GLI3: variants seen among roughly 807,000 people sequenced by gnomAD.
The protein encoded by GLI3 is GLI family zinc finger 3.
In GLI3, 20 loss-of-function variants were observed where a neutral mutation model predicts 100.8. That is an observed-to-expected ratio of 0.20 (90% CI 0.14 to 0.29). GLI3 has a LOEUF of 0.29. Among genes scored for constraint, GLI3 ranks in the 10% least tolerant of loss-of-function variants. GLI3 has a pLI of 1.00. For synonymous variants in GLI3, 938 were observed against 860.5 expected, an observed-to-expected ratio of 1.09 and a Z score of -1.58; for missense variants, 2,040 against 2,128.5, an observed-to-expected ratio of 0.96 and a Z score of 0.82.
At chr7:42,122,859 G>C (rs920470189) in intron 3 of GLI3, among the ~76,000 whole-genome samples, 1 of 152,168 alleles carries the variant, frequency 6.6e-6, no homozygotes, top group South Asian at 2.1e-4. Context: ...CCTGAACAGG[G>C]TGAAAAGTTA....
chr7:42,190,050 A>G (rs1283561625), intron 2 of GLI3, among the ~76,000 whole-genome samples: 1 of 151,822 alleles, frequency 6.6e-6, no homozygotes, highest in African/African-American at 2.4e-5. Context: ...CATAGGGAAA[A>G]TGTTTAAAGG....
chr7:42,110,159 G>C (rs184274204), intron 3 of GLI3, among the ~76,000 whole-genome samples: 3 of 152,262 alleles, frequency 2.0e-5, no homozygotes, highest in Admixed American at 2.0e-4. Flanking sequence ...CAAAAAGACA[G>C]AGGAACCAAC....
intron 3 of GLI3, among the ~76,000 whole-genome samples, chr7:42,087,009 C>G (rs1419175680): frequency 6.6e-6 from 1 of 152,154 alleles, no homozygotes; most frequent in Non-Finnish European, 1.5e-5. Context: ...TCAGAACTGT[C>G]TTCTTTCCCT....
At chr7:42,174,199 TA>T (rs1787433814) in intron 2 of GLI3, among the ~76,000 whole-genome samples, 1 of 152,306 alleles carries the variant, frequency 6.6e-6, no homozygotes, top group South Asian at 2.1e-4. Context: ...TTACTGAATT[TA>T]AAATCAATAA....
chr7:42,146,550 C>T (rs1334716375), intron 3 of GLI3, among the ~76,000 whole-genome samples: 3 of 152,192 alleles, frequency 2.0e-5, no homozygotes, highest in Admixed American at 6.5e-5. Context: ...AAATACCTCA[C>T]TAATTAGTGG....
intron 4 of GLI3, among the ~76,000 whole-genome samples, chr7:42,070,045 G>A (rs1394984216): frequency 6.6e-6 from 1 of 152,152 alleles, no homozygotes. Flanking sequence ...CTTCTATTGG[G>A]TTTACCGCTA....
At chr7:42,080,802 T>C (rs558373399) in intron 3 of GLI3, among the ~76,000 whole-genome samples, 30 of 152,316 alleles carry the variant, frequency 2.0e-4, no homozygotes, top group Admixed American at 1.6e-3. Context: ...CGTTTCTATG[T>C]GGCTCAGCGG....
intron 6 of GLI3, 39 bp downstream of exon 6, chr7:42,045,345 C>T (rs1423829673): frequency 6.3e-7 from 1 of 1,590,330 alleles, no homozygotes; most frequent in Non-Finnish European, 8.6e-7. Flanking sequence ...GTTGCCTTTG[C>T]CATTTCCCAA....
chr7:42,150,702 T>C (rs1170332329), intron 2 of GLI3, among the ~76,000 whole-genome samples: 1 of 152,200 alleles, frequency 6.6e-6, no homozygotes, highest in African/African-American at 2.4e-5. Flanking sequence ...TAAAACAGGA[T>C]TTCCTTGACT....
Position 42,148,130 on chromosome 7 carries a change from AGC to A in GLI3, c.367+94_367+95del, listed in dbSNP as rs199711555. On this transcript the variant is annotated intron_variant, in intron 3 of 14. Transcript: ENST00000395925. The stretch of plus-strand genomic sequence containing the variant: ...AATTATACAAGCCAAAACTTCATAA[AGC>A]GCGCACACACACACACACACACACA... The A allele has an allele frequency of 4.1e-5, 49 of 1,193,760 alleles. No homozygotes were observed. The South Asian group carries it at 4.6e-4, about 11-fold the overall frequency. 73.9% of individuals were successfully genotyped at this position (1,193,760 alleles called of 1,614,324 possible).
chr7:42,131,651 A>T (rs903155181), intron 3 of GLI3, among the ~76,000 whole-genome samples: 1 of 152,202 alleles, frequency 6.6e-6, no homozygotes, highest in African/African-American at 2.4e-5. Flanking sequence ...AAACATATTA[A>T]CAACCCTGAC....
At chr7:42,183,720 C>T (rs926425011) in intron 2 of GLI3, among the ~76,000 whole-genome samples, 2 of 152,160 alleles carry the variant, frequency 1.3e-5, no homozygotes, top group African/African-American at 2.4e-5. Context: ...AGTCAAAAAA[C>T]GATGAGTCAT....
chr7:41,982,710 A>G (rs900333143), intron 10 of GLI3, among the ~76,000 whole-genome samples: 3 of 151,970 alleles, frequency 2.0e-5, no homozygotes, highest in Admixed American at 2.0e-4. Flanking sequence ...AAAAAAAAAA[A>G]AAAAAGAAAA....
chr7:42,042,741 C>T (rs1339393809), intron 6 of GLI3, among the ~76,000 whole-genome samples: 1 of 152,184 alleles, frequency 6.6e-6, no homozygotes, highest in Admixed American at 6.5e-5. Flanking sequence ...CCATGAAACC[C>T]TTTGGCTTGC....
chr7:42,042,279 G>T (rs555329165), intron 6 of GLI3, among the ~76,000 whole-genome samples: 76 of 152,206 alleles, frequency 5.0e-4, no homozygotes, highest in Non-Finnish European at 1.0e-3. Context: ...CTCCCAAAGT[G>T]CTGGGATTAC....
chr7:42,125,473 T>C (rs1786103069), intron 3 of GLI3, among the ~76,000 whole-genome samples: 1 of 152,192 alleles, frequency 6.6e-6, no homozygotes, highest in South Asian at 2.1e-4. Flanking sequence ...TTATCTCGGC[T>C]CCAGCGGACA....
intron 1 of GLI3, among the ~76,000 whole-genome samples, chr7:42,246,963 T>C (rs6970716): frequency 0.36 from 54,727 of 151,778 alleles, 10,345 homozygotes; most frequent in Middle Eastern, 0.54. Context: ...CAAGGCAGTC[T>C]GTAATCACAG....
intron 3 of GLI3, among the ~76,000 whole-genome samples, chr7:42,098,202 C>G (rs188686420): frequency 6.6e-6 from 1 of 152,068 alleles, no homozygotes; most frequent in African/African-American, 2.4e-5. Flanking sequence ...TGTGGATGTA[C>G]TTGCACATGC....
rs1353010120 is a variant in GLI3 at position 42,137,293 on chromosome 7, C to T, written c.367+10933G>A. 3.3e-5 allele frequency among the ~76,000 whole-genome samples: 5 copies of T among 152,196 alleles called. No individual in the cohort carries two copies. The South Asian group carries it at 1.0e-3, about 32-fold the overall frequency. On this transcript the variant is annotated intron_variant, in intron 3 of 14. Coordinates refer to ENST00000395925, the MANE Select transcript of GLI3 (RefSeq NM_000168.6). ...ATTCCACATTCCATGCCTTCACAAACGTCACTGCACACCAGCCAGAGTGAC... is the reference window on the plus strand; with the variant it reads ...ATTCCACATTCCATGCCTTCACAAATGTCACTGCACACCAGCCAGAGTGAC...
Sources: allele counts gnomAD v4.1 joint callset (sites outside exome capture counted in the v4.1 genomes callset), GRCh38; gene constraint gnomAD v4.1.1; transcripts MANE v1.5; gene names NCBI Gene and HGNC (gene_info 2026-07-23, HGNC 2026-07-21).